ZBTB38: variants seen among roughly 807,000 people sequenced by gnomAD.
ZBTB38 encodes the protein zinc finger and BTB domain-containing protein 38.
ZBTB38 carries 20 observed loss-of-function variants against 76.8 expected under a neutral mutation model. That is an observed-to-expected ratio of 0.26 (90% CI 0.18 to 0.38). The LOEUF is 0.38. Among genes scored for constraint, ZBTB38 ranks in the 10% least tolerant of loss-of-function variants. The pLI, the probability that ZBTB38 is intolerant of heterozygous loss-of-function variation, is 1.00. For missense variants in ZBTB38, 1,082 were observed against 1,482.3 expected (o/e 0.73, Z 4.43); for synonymous variants, 504 against 544.2 (o/e 0.93, Z 1.03).
chr3:141,331,556 T>G (rs1261115080), intron 1 of ZBTB38, among the ~76,000 whole-genome samples: 1 of 152,194 alleles, frequency 6.6e-6, no homozygotes, highest in African/African-American at 2.4e-5. Context: ...TTTGTTTTTT[T>G]TTTATTGCTC....
Position 141,440,497 on chromosome 3 carries a change from T to C in ZBTB38, c.1-1892T>C, listed in dbSNP as rs570141741. On this transcript the variant is annotated intron_variant, in intron 5 of 5. Coordinates refer to ENST00000321464, the MANE Select transcript of ZBTB38 (RefSeq NM_001376113.1). The stretch of plus-strand genomic sequence containing the variant: ...AATAAATGCCATGAGCTAAATGTTA[T>C]ACTTTACTGCTAGGAAAACATTGCC... Among the ~76,000 whole-genome samples, 134 of 152,352 alleles carry C rather than the reference T, an allele frequency of 8.8e-4. 1 individual carries two copies. Among genetic ancestry groups the C allele is most frequent in the African/African-American group, 3.2e-3 (132 of 41,582 alleles).
At chr3:141,411,509 A>G (rs760776999) in intron 5 of ZBTB38, among the ~76,000 whole-genome samples, 1 of 152,224 alleles carries the variant, frequency 6.6e-6, no homozygotes, top group Non-Finnish European at 1.5e-5. Context: ...TAGTGTGTTC[A>G]GCCCTTCCCT....
At chr3:141,364,030 A>T (rs894229108), upstream of ZBTB38, among the ~76,000 whole-genome samples, 47 of 152,150 alleles carry the variant, frequency 3.1e-4, 1 homozygote, top group Admixed American at 2.0e-4. Context: ...CAACCAGAAA[A>T]GAAATGACAA....
intron 1 of ZBTB38, among the ~76,000 whole-genome samples, chr3:141,360,654 G>A (rs1378356220): frequency 6.6e-6 from 1 of 152,162 alleles, no homozygotes; most frequent in Non-Finnish European, 1.5e-5. Flanking sequence ...GTAAGTCCCT[G>A]GGCAGGTCCC....
chr3:141,417,123 C>T (rs1375584259), intron 5 of ZBTB38, among the ~76,000 whole-genome samples: 4 of 152,160 alleles, frequency 2.6e-5, no homozygotes, highest in South Asian at 2.1e-4. Context: ...GAAATGAAAT[C>T]GCAGTAAGGG....
At chr3:141,362,672 G>A (rs1943855515) in intron 1 of ZBTB38, among the ~76,000 whole-genome samples, 1 of 152,142 alleles carries the variant, frequency 6.6e-6, no homozygotes, top group Non-Finnish European at 1.5e-5. Context: ...AGGACCAGAG[G>A]AAGGCTGATT....
intron 1 of ZBTB38, among the ~76,000 whole-genome samples, chr3:141,347,061 C>T (rs879555095): frequency 1.3e-5 from 2 of 152,152 alleles, no homozygotes; most frequent in Admixed American, 1.3e-4. Context: ...TTTATATTCT[C>T]ATGAAAATTA....
At chr3:141,373,864 T>G (rs200509504) in intron 2 of ZBTB38, among the ~76,000 whole-genome samples, 2 of 152,272 alleles carry the variant, frequency 1.3e-5, no homozygotes, top group East Asian at 3.9e-4. Flanking sequence ...GAGTGGTGGC[T>G]CACACCGGAA....
intron 5 of ZBTB38, among the ~76,000 whole-genome samples, chr3:141,419,265 C>T (rs1325899135): frequency 1.3e-5 from 2 of 152,144 alleles, no homozygotes; most frequent in Non-Finnish European, 1.5e-5. Context: ...AGGAAATCCG[C>T]CCCCATGATC....
chr3:141,379,315 C>T (rs1416899373), intron 2 of ZBTB38, among the ~76,000 whole-genome samples: 3 of 152,162 alleles, frequency 2.0e-5, no homozygotes, highest in Non-Finnish European at 4.4e-5. Context: ...TAATGAAACT[C>T]GAGCTGTATT....
intron 5 of ZBTB38, among the ~76,000 whole-genome samples, chr3:141,410,072 G>A (rs1056547746): frequency 2.6e-5 from 4 of 152,168 alleles, no homozygotes; most frequent in Admixed American, 1.3e-4. Flanking sequence ...GTTTCCTTCC[G>A]GCTCTAAGGT....
chr3:141,345,728 C>T (rs1055724077), intron 1 of ZBTB38, among the ~76,000 whole-genome samples: 31 of 151,856 alleles, frequency 2.0e-4, no homozygotes, highest in Admixed American at 1.6e-3. Context: ...GTGGGTGTGT[C>T]TTGGGGTGGG....
At chr3:141,362,861 A>G (rs1291463672) in intron 1 of ZBTB38, among the ~76,000 whole-genome samples, 1 of 152,172 alleles carries the variant, frequency 6.6e-6, no homozygotes, top group Non-Finnish European at 1.5e-5. Context: ...TTTGGTGACT[A>G]GACTGGGTTT....
intron 1 of ZBTB38, among the ~76,000 whole-genome samples, chr3:141,355,120 G>A (rs1363181857): frequency 1.3e-5 from 2 of 151,996 alleles, no homozygotes; most frequent in Non-Finnish European, 2.9e-5. Context: ...GAGAGTTGAG[G>A]AAGCTCTCCT....
intron 5 of ZBTB38, among the ~76,000 whole-genome samples, chr3:141,407,824 A>G (rs921559711): frequency 6.6e-5 from 10 of 152,258 alleles, no homozygotes; most frequent in African/African-American, 2.4e-4. Context: ...AGATATGTCT[A>G]TACTCAAAAT....
At chr3:141,340,013 G>C (rs751767627) in intron 1 of ZBTB38, among the ~76,000 whole-genome samples, 4 of 152,228 alleles carry the variant, frequency 2.6e-5, no homozygotes, top group African/African-American at 7.2e-5. Flanking sequence ...CAGACACAGT[G>C]ATTATTCTAA....
chr3:141,422,323 A>C (rs1019010117), intron 5 of ZBTB38, among the ~76,000 whole-genome samples: 4 of 152,050 alleles, frequency 2.6e-5, no homozygotes, highest in Non-Finnish European at 5.9e-5. Flanking sequence ...TCGGGCCAGG[A>C]CACCCCTGTA....
intron 5 of ZBTB38, among the ~76,000 whole-genome samples, chr3:141,420,309 A>G (rs2075073504): frequency 6.6e-6 from 1 of 152,220 alleles, no homozygotes; most frequent in Non-Finnish European, 1.5e-5. Flanking sequence ...AGCTGAGAGA[A>G]TGTAATTGGT....
intron 2 of ZBTB38, among the ~76,000 whole-genome samples, chr3:141,376,346 A>G (rs913282751): frequency 3.3e-5 from 5 of 152,150 alleles, no homozygotes; most frequent in African/African-American, 1.2e-4. Context: ...CCTCCACAGG[A>G]TCCTCCCAGG....
Sources: gnomAD v4.1 joint callset for allele counts (sites outside exome capture counted in the v4.1 genomes callset) on GRCh38, gnomAD v4.1.1 for gene constraint, MANE v1.5 for transcripts, NCBI Gene and HGNC (gene_info 2026-07-23, HGNC 2026-07-21) for gene names.